Variants in KIRREL3 observed in about 807,000 individuals in gnomAD.
The protein encoded by KIRREL3 is kirre like nephrin family adhesion molecule 3.
Under a neutral mutation model 89.7 loss-of-function variants are expected in KIRREL3, and 36 were observed. The ratio of observed to expected loss-of-function variants is 0.40; its 90% CI spans 0.31 to 0.53. The LOEUF (loss-of-function observed/expected upper bound fraction) is 0.53, where lower values mean the gene tolerates loss of function less well. Among genes scored for constraint, KIRREL3 ranks in the 20% least tolerant of loss-of-function variants. The pLI, the probability that KIRREL3 is intolerant of heterozygous loss-of-function variation, is 0.49. For synonymous variants in KIRREL3, 445 were observed against 441.4 expected, an observed-to-expected ratio of 1.01 and a Z score of -0.10; for missense variants, 864 against 1,056.6, an observed-to-expected ratio of 0.82 and a Z score of 2.53.
chr11:126,873,045 C>T (rs1196254400), intron 1 of KIRREL3, among the ~76,000 whole-genome samples: 1 of 152,192 alleles, frequency 6.6e-6, no homozygotes, highest in Non-Finnish European at 1.5e-5. Flanking sequence ...ACAGATACAT[C>T]TTTGTTCAGC....
intron 1 of KIRREL3, among the ~76,000 whole-genome samples, chr11:126,693,513 G>A (rs772318858): frequency 2.0e-5 from 3 of 152,090 alleles, no homozygotes; most frequent in African/African-American, 4.8e-5. Context: ...GAGAGAAAGA[G>A]ACTCTGCCGG....
rs1348721591 is a variant in KIRREL3, at chr11:126,763,932, CCT to C, written c.56-201022_56-201021del. ...CTTACCTTCTGCCCCCTGAATTTTTCCTCTCTTTTCCTGTATCTTTTTTCCCC... is the reference window on the plus strand; with the variant it reads ...CTTACCTTCTGCCCCCTGAATTTTTCCTCTTTTCCTGTATCTTTTTTCCCC... On this transcript the variant is annotated intron_variant, in intron 1 of 16. Transcript: ENST00000525144. This position sits in a 1 kb window ranked among gnomAD's most constrained non-coding sequence, Gnocchi z 4.7. 2.0e-5 allele frequency among the ~76,000 whole-genome samples: 3 copies of C among 152,102 alleles called. No individual in the cohort carries two copies. In the East Asian group the frequency reaches 5.8e-4, roughly 29 times the overall value.
In KIRREL3 at chr11:126,928,109, A is replaced by G. The variant is rs1592385099; in HGVS notation, c.55+72346T>C. Among the ~76,000 whole-genome samples, 12 of 152,368 alleles carry G rather than the reference A, an allele frequency of 7.9e-5. No homozygotes were observed. The South Asian group carries it at 2.3e-3, about 29-fold the overall frequency. On this transcript the variant is annotated intron_variant, in intron 1 of 16. Transcript: ENST00000525144. ...TGCTCAAATCACACAAGTCATTGCC[A>G]TAAGTGCTACCGTCAATGTATTTTT...
intron 4 of KIRREL3, among the ~76,000 whole-genome samples, chr11:126,487,367 A>G (rs544173186): frequency 2.0e-5 from 3 of 152,340 alleles, no homozygotes; most frequent in African/African-American, 7.2e-5. Flanking sequence ...GGGGAGACAC[A>G]CACAGTCCTT....
Position 126,516,109 on chromosome 11 carries a change from A to G in KIRREL3, c.433+5206T>C, listed in dbSNP as rs1330852034. ...GTTTTGAAAAACAAACTAGTTAAGG[A>G]CACGTCACAGATTGGACCTTATCTG... On this transcript the variant is annotated intron_variant, in intron 4 of 16. Transcript: ENST00000525144. This position sits in a 1 kb window ranked among gnomAD's most constrained non-coding sequence, Gnocchi z 4.9. Among the ~76,000 whole-genome samples, 1 of 152,206 alleles carries G rather than the reference A, an allele frequency of 6.6e-6. No individual in the cohort carries two copies. Among genetic ancestry groups the G allele is most frequent in the Non-Finnish European group, 1.5e-5 (1 of 68,042 alleles).
At chr11:126,851,740 T>G (rs1944344068) in intron 1 of KIRREL3, among the ~76,000 whole-genome samples, 1 of 152,152 alleles carries the variant, frequency 6.6e-6, no homozygotes, top group Non-Finnish European at 1.5e-5. Flanking sequence ...TGAAAGCGAT[T>G]AAGACATCCT....
At chr11:126,929,107 G>C (rs141415670) in intron 1 of KIRREL3, among the ~76,000 whole-genome samples, 4 of 152,276 alleles carry the variant, frequency 2.6e-5, no homozygotes, top group Non-Finnish European at 4.4e-5. Flanking sequence ...GAGTGGAGAG[G>C]ACACATCTGC....
Position 126,940,015 on chromosome 11 carries a change from C to T in KIRREL3, c.55+60440G>A, listed in dbSNP as rs932309474. Among the ~76,000 whole-genome samples the T allele has an allele frequency of 3.9e-5, 6 of 152,176 alleles. No homozygotes were observed. Among genetic ancestry groups the T allele is most frequent in the Non-Finnish European group, 8.8e-5 (6 of 68,040 alleles). ...CACCTCCTCTATCCTACTCTACCAACCTTCAGACTCTTCTAGCTACAGGCT... is the reference window on the plus strand; with the variant it reads ...CACCTCCTCTATCCTACTCTACCAATCTTCAGACTCTTCTAGCTACAGGCT... On this transcript the variant is annotated intron_variant, in intron 1 of 16. Transcript: ENST00000525144. The surrounding 1 kb of genome is among the most constrained non-coding windows in gnomAD (Gnocchi z 4.6).
At position 126,953,622 on chromosome 11, in the gene KIRREL3, C is replaced by CAGAA. The variant is rs1948834325; in HGVS notation, c.55+46832_55+46833insTTCT. On this transcript the variant is annotated intron_variant, in intron 1 of 16. Transcript: ENST00000525144. The surrounding 1 kb of genome is among the most constrained non-coding windows in gnomAD (Gnocchi z 5.2). ...CACACACTTGGGAGAGATAGAGAGA[C>CAGAA]AGAGAGAGAGAACGACCAAGTACGA... is the stretch of plus-strand genomic sequence containing the variant. 1.3e-5 allele frequency among the ~76,000 whole-genome samples: 2 copies of CAGAA among 151,002 alleles called. No homozygotes were observed. Among genetic ancestry groups the CAGAA allele is most frequent in the African/African-American group, 4.9e-5 (2 of 41,196 alleles).
chr11:126,573,661 C>CCAAT (rs1355234118), intron 1 of KIRREL3, among the ~76,000 whole-genome samples: 5 of 152,208 alleles, frequency 3.3e-5, no homozygotes, highest in Non-Finnish European at 7.3e-5. Context: ...AATTCAAACT[C>CCAAT]ATTGGAGGCT....
At chr11:126,638,778 G>T (rs2074926910) in intron 1 of KIRREL3, among the ~76,000 whole-genome samples, 1 of 152,132 alleles carries the variant, frequency 6.6e-6, no homozygotes, top group Admixed American at 6.5e-5. Context: ...TGGTGAGAAG[G>T]TTGCTGCTGT....
Position 126,773,157 on chromosome 11 carries a change from T to C in KIRREL3, c.56-210245A>G, listed in dbSNP as rs1232694971. ...CATTGATTTTGTAGGTCTGTGATGATTGATTTTTTGTGTCAACTTTGCTGG... is the reference window on the plus strand; with the variant it reads ...CATTGATTTTGTAGGTCTGTGATGACTGATTTTTTGTGTCAACTTTGCTGG... On this transcript the variant is annotated intron_variant, in intron 1 of 16. Transcript: ENST00000525144. This position sits in a 1 kb window ranked among gnomAD's most constrained non-coding sequence, Gnocchi z 4.2. Among the ~76,000 whole-genome samples the C allele has an allele frequency of 1.3e-5, 2 of 152,190 alleles. No homozygotes were observed. The highest frequency in any genetic ancestry group is 4.8e-5 in the African/African-American group (2 of 41,444).
In KIRREL3 at chr11:126,562,769, G is replaced by T; in HGVS notation, c.133+66C>A. 7.4e-7 allele frequency: 1 copy of T among 1,349,492 alleles called. No individual in the cohort carries two copies. Among genetic ancestry groups the T allele is most frequent in the Non-Finnish European group, 1.1e-6 (1 of 940,708 alleles). 83.6% of individuals were successfully genotyped at this position (1,349,492 alleles called of 1,614,324 possible). ...TTCTTATTCCTGGTTCCTCTGTCCT[G>T]TGGCTGTAGGGGAGAGCTTCCTCCC... is the stretch of plus-strand genomic sequence containing the variant. On this transcript the variant is annotated intron_variant, in intron 2 of 16. Transcript: ENST00000525144. This position sits in a 1 kb window ranked among gnomAD's most constrained non-coding sequence, Gnocchi z 4.7.
intron 1 of KIRREL3, among the ~76,000 whole-genome samples, chr11:126,923,546 T>A (rs12281700): frequency 6.7e-6 from 1 of 149,228 alleles, no homozygotes; most frequent in Non-Finnish European, 1.5e-5. Flanking sequence ...AGGGTTCAAG[T>A]GATTCTCCTG....
At chr11:126,538,347 T>G (rs553201145) in intron 2 of KIRREL3, among the ~76,000 whole-genome samples, 35 of 152,222 alleles carry the variant, frequency 2.3e-4, no homozygotes, top group African/African-American at 7.7e-4. Context: ...TTGCCTCTTA[T>G]GAGATTAAGG....
Position 126,475,192 on chromosome 11 carries a change from G to A in KIRREL3, c.434-1726C>T, listed in dbSNP as rs1193607144. 6.6e-6 allele frequency among the ~76,000 whole-genome samples: 1 copy of A among 152,230 alleles called. No individual in the cohort carries two copies. The highest frequency in any genetic ancestry group is 1.5e-5 in the Non-Finnish European group (1 of 68,034). The stretch of plus-strand genomic sequence containing the variant: ...AAGCCCGCCCTTCTATGCAGGCTCT[G>A]TGCTCGGGGCTCTGGGCTGGAGAAG... On this transcript the variant is annotated intron_variant, in intron 4 of 16. Transcript: ENST00000525144. The surrounding 1 kb of genome is among the most constrained non-coding windows in gnomAD (Gnocchi z 7.5).
chr11:126,451,144 TGTGTAAATGTGGGCAC>T (rs1449184315), intron 7 of KIRREL3, among the ~76,000 whole-genome samples: 1 of 149,868 alleles, frequency 6.7e-6, no homozygotes, highest in Non-Finnish European at 1.5e-5. Context: ...TGTGTGTGCA[TGTGTAAATGTGGGCAC>T]GTGTGAATGT....
chr11:126,752,806 A>C lies in KIRREL3; in HGVS notation c.56-189894T>G, dbSNP rs1949377519. Reference sequence around the variant, plus strand: ...TTTTGCATGTTTCCTTGGGAATTTCAGGAGGAAATGGAGCTGGAAAGGTGG... The same window carrying C: ...TTTTGCATGTTTCCTTGGGAATTTCCGGAGGAAATGGAGCTGGAAAGGTGG... On this transcript the variant is annotated intron_variant, in intron 1 of 16. Coordinates refer to ENST00000525144, the MANE Select transcript of KIRREL3 (RefSeq NM_032531.4). The surrounding 1 kb of genome is among the most constrained non-coding windows in gnomAD (Gnocchi z 4.8). Among the ~76,000 whole-genome samples the C allele has an allele frequency of 6.6e-6, 1 of 152,192 alleles. No homozygotes were observed. Among genetic ancestry groups the C allele is most frequent in the African/African-American group, 2.4e-5 (1 of 41,442 alleles).
chr11:126,452,616 G>C (rs1158527171), intron 7 of KIRREL3, among the ~76,000 whole-genome samples: 2 of 152,230 alleles, frequency 1.3e-5, no homozygotes, highest in Non-Finnish European at 2.9e-5. Flanking sequence ...CTCACCAGGA[G>C]CATCACGGAG....
Sources: gnomAD v4.1 joint callset for allele counts (sites outside exome capture counted in the v4.1 genomes callset) on GRCh38, gnomAD v4.1.1 for gene constraint, Gnocchi (gnomAD v3.1) non-coding constraint, MANE v1.5 for transcripts, NCBI Gene and HGNC (gene_info 2026-07-23, HGNC 2026-07-21) for gene names.